The following FUS variants were observed in gnomAD, a reference collection of about 807,000 sequenced individuals.
FUS encodes RNA-binding protein FUS.
In FUS, 5 loss-of-function variants were observed where a neutral mutation model predicts 82.7. The observed-to-expected ratio is 0.06, with a 90% CI of 0.03 to 0.13. The LOEUF is 0.13. Among genes scored for constraint, FUS ranks in the 10% least tolerant of loss-of-function variants. The pLI is 1.00. For synonymous variants in FUS, 281 were observed against 247.4 expected, an observed-to-expected ratio of 1.14 and a Z score of -1.27; for missense variants, 512 against 707.8, an observed-to-expected ratio of 0.72 and a Z score of 3.14.
chr16:31,190,513 G>A, intron 12 of FUS, 115 bp downstream of exon 12: 2 of 1,525,060 alleles, frequency 1.3e-6, no homozygotes, highest in Admixed American at 1.7e-5. Context: ...ACACTGTTGG[G>A]GTCAGATTTA....
chr16:31,180,269 G>A (rs867681882), intron 1 of FUS, 42 bp downstream of exon 1: 3 of 1,591,628 alleles, frequency 1.9e-6, no homozygotes, highest in Admixed American at 3.5e-5. Context: ...GCACCCGGCC[G>A]AGGCCTCCCA....
Position 31,180,164 on chromosome 16 carries a change from C to T in FUS, c.-51C>T, listed in dbSNP as rs571696003. ...GCTCAGTCCTCCAGGCGTCGGTACT[C>T]AGCGGTGTTGGAACTTCGTTGCTTG... On this transcript the variant is annotated 5_prime_UTR_variant, in exon 1 of 15. Coordinates refer to ENST00000254108, the MANE Select transcript of FUS (RefSeq NM_004960.4). The T allele has an allele frequency of 9.4e-6, 15 of 1,602,220 alleles. No homozygotes were observed. Among genetic ancestry groups the T allele is most frequent in the Admixed American group, 1.7e-5 (1 of 58,044 alleles).
rs1340646292 is a variant in FUS, at chr16:31,183,629, T to C, written c.191-229T>C. 3 of 550,190 alleles carry C rather than the reference T, an allele frequency of 5.5e-6. No individual in the cohort carries two copies. The East Asian group carries it at 1.0e-4, about 19-fold the overall frequency. 34.1% of individuals were successfully genotyped at this position (550,190 alleles called of 1,614,324 possible). A position where few individuals can be genotyped will look rare whatever the true frequency, so the allele number is the denominator to read the frequency against. The stretch of plus-strand genomic sequence containing the variant: ...TAGAGGGTGGTGCTGGAGATGGTGT[T>C]GGGATTGGCGGGGTGAAATTGGAAC... On this transcript the variant is annotated intron_variant, in intron 3 of 14. Coordinates refer to ENST00000254108, the MANE Select transcript of FUS (RefSeq NM_004960.4).
At chr16:31,194,621 T>A (rs754842369), downstream of FUS, 1 of 491,940 alleles carries the variant, frequency 2.0e-6, no homozygotes, top group South Asian at 1.5e-5. Flanking sequence ...ATTTTATTTT[T>A]AATTAACTTG....
At chr16:31,185,323 T>C in intron 6 of FUS, 144 bp downstream of exon 6, 1 of 997,344 alleles carries the variant, frequency 1.0e-6, no homozygotes, top group Non-Finnish European at 1.4e-6. Context: ...GGCAGTGACT[T>C]TCTTTTTACA....
In FUS at chr16:31,180,177, A is replaced by C; in HGVS notation, c.-38A>C. 1 of 1,607,508 alleles carries C rather than the reference A, an allele frequency of 6.2e-7. No homozygotes were observed. Among genetic ancestry groups the C allele is most frequent in the Non-Finnish European group, 8.5e-7 (1 of 1,177,008 alleles). On this transcript the variant is annotated 5_prime_UTR_variant, in exon 1 of 15. Transcript: ENST00000254108. ...GGCGTCGGTACTCAGCGGTGTTGGA[A>C]CTTCGTTGCTTGCTTGCCTGTGCGC...
At chr16:31,180,498 G>A (rs2058039517) in intron 1 of FUS, among the ~76,000 whole-genome samples, 1 of 152,204 alleles carries the variant, frequency 6.6e-6, no homozygotes, top group Admixed American at 6.5e-5. Flanking sequence ...GGGGTTTGAA[G>A]CGTCAGGTGA....
chr16:31,188,378 A>G lies in FUS; in HGVS notation c.832+21A>G, dbSNP rs201733935. 5.6e-6 allele frequency: 9 copies of G among 1,613,526 alleles called. No individual in the cohort carries two copies. The East Asian group carries it at 6.7e-5, about 12-fold the overall frequency. On this transcript the variant is annotated intron_variant, in intron 8 of 14. Coordinates refer to ENST00000254108, the MANE Select transcript of FUS (RefSeq NM_004960.4). ...CTCCGGTGAGTTCACACGTGGTGGC[A>G]TGAAAAGAGTGGCTAAAGTGGTATC...
chr16:31,185,325 C>T, intron 6 of FUS, 146 bp downstream of exon 6: 2 of 951,538 alleles, frequency 2.1e-6, no homozygotes, highest in Non-Finnish European at 3.1e-6. Flanking sequence ...CAGTGACTTT[C>T]TTTTTACATC....
At chr16:31,187,964 C>T (rs903537350) in intron 7 of FUS, 9 of 353,276 alleles carry the variant, frequency 2.5e-5, no homozygotes, top group East Asian at 9.4e-5. Context: ...TCTCTTCTCT[C>T]GGGTGAGAGA....
At position 31,191,004 on chromosome 16, in the gene FUS, T is replaced by C; in HGVS notation, c.1435T>C (p.Tyr479His). 6.2e-7 allele frequency: 1 copy of C among 1,613,744 alleles called. No homozygotes were observed. Among genetic ancestry groups the C allele is most frequent in the Non-Finnish European group, 8.5e-7 (1 of 1,179,916 alleles). ...TGATCGTCGTGGTGGCAGAGGAGGC[T>C]ATGATCGAGGCGGCTACCGGGGCCG... ...GDDRRGGRGGYDRGGYRGRGG... is the reference protein window; with the variant it reads ...GDDRRGGRGGHDRGGYRGRGG... The change falls in exon 14 of 15, where the codon TAT (tyrosine) becomes CAT (histidine). Residue 479 changes from tyrosine to histidine, a missense_variant. Tyr to His is a moderately conservative substitution (Grantham distance 83). This residue lies in a region of FUS where 96 missense variants were observed against 120.7 expected (regional missense o/e 0.80). Transcript: ENST00000254108.
chr16:31,194,613 T>C (rs1380807127), downstream of FUS: 2 of 493,172 alleles, frequency 4.1e-6, no homozygotes, highest in Non-Finnish European at 8.0e-6. Flanking sequence ...CTATGAAAAT[T>C]TTATTTTTAA....
At position 31,190,280 on chromosome 16, in the gene FUS, A is replaced by G. The variant is rs766753481; in HGVS notation, c.1174A>G (p.Met392Val). ...GRGGRGRGGPMGRGGYGGGGS... is the reference protein window; with the variant it reads ...GRGGRGRGGPVGRGGYGGGGS... ...ACTTGGTCTATCTGCATTAGGACCC[A>G]TGGGCCGTGGAGGCTATGGAGGTGG... The change falls in exon 12 of 15, where the codon ATG (methionine) becomes GTG (valine). Residue 392 changes from methionine to valine, a missense_variant. Coordinates refer to ENST00000254108, the MANE Select transcript of FUS (RefSeq NM_004960.4). 1.9e-6 allele frequency: 3 copies of G among 1,614,116 alleles called. No individual in the cohort carries two copies. The highest frequency in any genetic ancestry group is 2.2e-5 in the East Asian group (1 of 44,878).
upstream of FUS, chr16:31,180,132 C>A: frequency 1.9e-6 from 3 of 1,559,254 alleles, no homozygotes; most frequent in Non-Finnish European, 2.6e-6. Flanking sequence ...ACGCAGGAGG[C>A]GGGGCTGCTC....
chr16:31,193,241 C>A (rs16956408), downstream of FUS: 3 of 503,128 alleles, frequency 6.0e-6, no homozygotes, highest in East Asian at 4.5e-5. Context: ...AGGTTTACTT[C>A]CCCTGCCAGC....
chr16:31,191,332 A>G, intron 14 of FUS, 67 bp from the exon 15 acceptor site: 10 of 1,595,366 alleles, frequency 6.3e-6, no homozygotes, highest in Non-Finnish European at 8.6e-6. Context: ...CAGATAGGAT[A>G]TCTAGGCTTG....
intron 6 of FUS, 95 bp downstream of exon 6, chr16:31,185,274 T>C (rs911699734): frequency 6.8e-5 from 94 of 1,392,548 alleles, no homozygotes; most frequent in Non-Finnish European, 8.8e-5. Context: ...TGGTTTAGTA[T>C]TCTTGTTGTC....
intron 1 of FUS, among the ~76,000 whole-genome samples, chr16:31,181,571 C>T (rs1477869046): frequency 6.6e-6 from 1 of 152,184 alleles, no homozygotes; most frequent in East Asian, 1.9e-4. Flanking sequence ...CCCACTTCAT[C>T]TCCGGGATTG....
At chr16:31,191,307 G>C (rs1193963789) in intron 14 of FUS, 92 bp from the exon 15 acceptor site, 2 of 1,546,470 alleles carry the variant, frequency 1.3e-6, no homozygotes, top group African/African-American at 1.4e-5. Flanking sequence ...TACTCGCTGG[G>C]TTAGGTAGGA....
Sources: allele counts gnomAD v4.1 joint callset (sites outside exome capture counted in the v4.1 genomes callset), GRCh38; gene constraint gnomAD v4.1.1; regional missense constraint gnomAD v4.1.1; transcripts MANE v1.5; gene names NCBI Gene and HGNC (gene_info 2026-07-23, HGNC 2026-07-21).